Variants in ZNF334 observed in about 807,000 individuals in gnomAD.
ZNF334 encodes zinc finger protein 334.
Under a neutral mutation model 12.4 loss-of-function variants are expected in ZNF334, and 14 were observed. The observed-to-expected ratio is 1.13, with a 90% CI of 0.74 to 1.76. The LOEUF (loss-of-function observed/expected upper bound fraction) is 1.76. Ranked by LOEUF, ZNF334 falls within the 40% of genes most tolerant of loss-of-function variation. The pLI is 0.00. For missense variants in ZNF334, 797 were observed against 804.5 expected (o/e 0.99, Z 0.11); for synonymous variants, 273 against 269.6 (o/e 1.01, Z -0.12).
downstream of ZNF334, among the ~76,000 whole-genome samples, chr20:46,498,292 A>G (rs2061058488): frequency 6.6e-6 from 1 of 152,166 alleles, no homozygotes; most frequent in Non-Finnish European, 1.5e-5. Flanking sequence ...AGTACAGTGA[A>G]AGTGATAGTT....
At chr20:46,486,569 T>G in the ZNF334 span, among the ~76,000 whole-genome samples, 3 of 152,196 alleles carry the variant, frequency 2.0e-5, no homozygotes, top group Non-Finnish European at 2.9e-5. Flanking sequence ...GTCTTTTTAG[T>G]GCCATATAAT....
At chr20:46,479,170 C>A in the ZNF334 span, among the ~76,000 whole-genome samples, 3 of 152,182 alleles carry the variant, frequency 2.0e-5, no homozygotes, top group African/African-American at 7.2e-5. Flanking sequence ...TTTCTGAAGG[C>A]TCTAGGGGGG....
chr20:46,504,782 A>T (rs780210949), intron 2 of ZNF334, 42 bp from the exon 3 acceptor site: 32 of 1,555,942 alleles, frequency 2.1e-5, no homozygotes, highest in Non-Finnish European at 2.7e-5. Context: ...AAATTGAGTG[A>T]TATCAAATGT....
chr20:46,487,162 TTTG>T, the ZNF334 span, among the ~76,000 whole-genome samples: 3 of 152,186 alleles, frequency 2.0e-5, no homozygotes, highest in African/African-American at 7.2e-5. Flanking sequence ...TTATTGTCTT[TTTG>T]TTGTTGTTTA....
At chr20:46,485,465 G>A in the ZNF334 span, 1 of 151,556 alleles carries the variant, frequency 6.6e-6, no homozygotes, top group Non-Finnish European at 1.5e-5. Flanking sequence ...AAATTCTGGA[G>A]AGAGACTGAT....
chr20:46,496,333 T>C (rs556831481), downstream of ZNF334, among the ~76,000 whole-genome samples: 2 of 152,358 alleles, frequency 1.3e-5, no homozygotes, highest in Admixed American at 1.3e-4. Context: ...GAATCTCATT[T>C]TCATTTTGAG....
chr20:46,477,704 G>A, the ZNF334 span, among the ~76,000 whole-genome samples: 1 of 152,172 alleles, frequency 6.6e-6, no homozygotes, highest in Non-Finnish European at 1.5e-5. Flanking sequence ...CACCAGCTGT[G>A]TTACTGTGGG....
the ZNF334 span, among the ~76,000 whole-genome samples, chr20:46,479,766 GAC>G: frequency 2.6e-5 from 4 of 152,272 alleles, no homozygotes; most frequent in South Asian, 8.3e-4. Context: ...GGTATGAAAA[GAC>G]ACATTTACCA....
the ZNF334 span, among the ~76,000 whole-genome samples, chr20:46,471,130 A>G: frequency 1.3e-5 from 2 of 152,280 alleles, no homozygotes; most frequent in East Asian, 3.9e-4. Flanking sequence ...ATTGTCAATC[A>G]TTTTAGTTTT....
the ZNF334 span, among the ~76,000 whole-genome samples, chr20:46,473,373 T>G: frequency 1.2e-4 from 19 of 152,378 alleles, no homozygotes; most frequent in African/African-American, 4.3e-4. Flanking sequence ...TTGGTATTTC[T>G]TTGTTTATAC....
chr20:46,471,664 A>T, the ZNF334 span, among the ~76,000 whole-genome samples: 24,477 of 152,072 alleles, frequency 0.16, 2,187 homozygotes, highest in African/African-American at 0.23. Context: ...TTCTCATATA[A>T]TTTCCCACAT....
chr20:46,501,709 A>G lies in ZNF334; in HGVS notation c.1630T>C (p.Tyr544His). ...GTTCTCCCACATTCATTGCATTCATATGGTCTCTCCCATATAGTTCTCTGA... is the reference window on the plus strand; with the variant it reads ...GTTCTCCCACATTCATTGCATTCATGTGGTCTCTCCCATATAGTTCTCTGA... ...VHQRTIWERP[Y>H]ECNECGRTYC... The change falls in exon 5 of 5, where the codon TAT becomes CAT. Residue 544 changes from tyrosine (Y) to histidine (H), a missense_variant. Transcript: ENST00000692313. 1 of 1,614,068 alleles carries G rather than the reference A, an allele frequency of 6.2e-7. No individual in the cohort carries two copies. Among genetic ancestry groups the G allele is most frequent in the South Asian group, 1.1e-5 (1 of 91,082 alleles).
At position 46,502,470 on chromosome 20, in the gene ZNF334, T is replaced by C; in HGVS notation, c.869A>G (p.Glu290Gly). 6.2e-7 allele frequency: 1 copy of C among 1,614,006 alleles called. No homozygotes were observed. The highest frequency in any genetic ancestry group is 8.5e-7 in the Non-Finnish European group (1 of 1,179,932). ...GCATTCACTGCATTCATAGGGTCTC[T>C]CTCCAGTATGAATTCTTCGGTGTCG... The part of the protein sequence containing the change: ...LTRHRRIHTG[E>G]RPYECSECRK... The change falls in exon 5 of 5, where the codon GAG becomes GGG. Residue 290 changes from glutamate to glycine, a missense_variant. By Grantham distance (98) the Glu-to-Gly change is moderately conservative (BLOSUM62 -2). Coordinates refer to ENST00000692313, the MANE Select transcript of ZNF334 (RefSeq NM_001353824.2).
intron 2 of ZNF334, among the ~76,000 whole-genome samples, chr20:46,510,069 G>C (rs2061587770): frequency 6.6e-6 from 1 of 152,208 alleles, no homozygotes; most frequent in Non-Finnish European, 1.5e-5. Context: ...GAAAGGTCCA[G>C]AGTGGTAGGA....
the ZNF334 span, among the ~76,000 whole-genome samples, chr20:46,468,632 GA>G: frequency 2.6e-5 from 4 of 152,098 alleles, no homozygotes; most frequent in Non-Finnish European, 4.4e-5. Context: ...ATTATGCAGA[GA>G]TATTTAGAAA....
chr20:46,491,150 A>C, the ZNF334 span: 3 of 152,784 alleles, frequency 2.0e-5, no homozygotes, highest in African/African-American at 7.2e-5. Flanking sequence ...CAGACCTTCA[A>C]AGGTTATTCA....
chr20:46,500,942 A>C lies in ZNF334; in HGVS notation c.*354T>G. 4.9e-6 allele frequency: 1 copy of C among 205,070 alleles called. No individual in the cohort carries two copies. Among genetic ancestry groups the C allele is most frequent in the South Asian group, 9.5e-5 (1 of 10,506 alleles). The allele number at this position is 205,070 out of a possible 1,614,324, so 12.7% of individuals were successfully genotyped here. Reference sequence around the variant, plus strand: ...ATGGTATTGATTTGAAATGAAGGTCAGATCCTCACACCTCGTAACATACAC... The same window carrying C: ...ATGGTATTGATTTGAAATGAAGGTCCGATCCTCACACCTCGTAACATACAC... On this transcript the variant is annotated 3_prime_UTR_variant, in exon 5 of 5. Coordinates refer to ENST00000692313, the MANE Select transcript of ZNF334 (RefSeq NM_001353824.2).
chr20:46,467,410 T>C, the ZNF334 span, among the ~76,000 whole-genome samples: 86 of 152,250 alleles, frequency 5.6e-4, no homozygotes, highest in African/African-American at 1.9e-3. Context: ...CACGTAACAA[T>C]AGTACAGTCT....
chr20:46,494,575 T>G, the ZNF334 span, among the ~76,000 whole-genome samples: 48 of 152,304 alleles, frequency 3.2e-4, 1 homozygote, highest in Non-Finnish European at 5.4e-4. Flanking sequence ...AAGAAAATAT[T>G]GTTATGAATA....
Sources: gnomAD v4.1 joint callset for allele counts (sites outside exome capture counted in the v4.1 genomes callset) on GRCh38, gnomAD v4.1.1 for gene constraint, MANE v1.5 for transcripts, NCBI Gene and HGNC (gene_info 2026-07-23, HGNC 2026-07-21) for gene names.